DNER: variants seen among roughly 807,000 people sequenced by gnomAD.
DNER encodes delta and Notch-like epidermal growth factor-related receptor.
DNER carries 33 observed loss-of-function variants against 78.2 expected under a neutral mutation model. The ratio of observed to expected loss-of-function variants is 0.42; its 90% CI spans 0.32 to 0.56. The LOEUF is 0.56. Among genes scored for constraint, DNER ranks in the 20% least tolerant of loss-of-function variants. The pLI, the probability that DNER is intolerant of heterozygous loss-of-function variation, is 0.11. For missense variants in DNER, 918 were observed against 975.3 expected, an observed-to-expected ratio of 0.94 and a Z score of 0.78; for synonymous variants, 417 against 384.8, an observed-to-expected ratio of 1.08 and a Z score of -0.98.
At chr2:229,363,054 T>TGGGA (rs1318115743) in intron 12 of DNER, among the ~76,000 whole-genome samples, 1 of 152,168 alleles carries the variant, frequency 6.6e-6, no homozygotes, top group East Asian at 1.9e-4. Flanking sequence ...GTCAACTGAG[T>TGGGA]GGGACCTCAG....
intron 1 of DNER, among the ~76,000 whole-genome samples, chr2:229,618,320 C>A (rs1380299580): frequency 6.6e-6 from 1 of 152,224 alleles, no homozygotes; most frequent in African/African-American, 2.4e-5. Context: ...AAGGGGATGA[C>A]AACAGGCCAA....
At chr2:229,646,034 C>T (rs1161516920) in intron 1 of DNER, among the ~76,000 whole-genome samples, 1 of 152,160 alleles carries the variant, frequency 6.6e-6, no homozygotes, top group East Asian at 1.9e-4. Flanking sequence ...TGGATGAATT[C>T]CCTGACAATG....
In DNER at chr2:229,447,406, C is replaced by A. The variant is rs1279381802; in HGVS notation, c.1396G>T (p.Ala466Ser). The A allele has an allele frequency of 2.5e-6, 4 of 1,613,668 alleles. No homozygotes were observed. The highest frequency in any genetic ancestry group is 1.3e-5 in the African/African-American group (1 of 74,922). ...AGGGCACAGAAGTCAATAAGCTGGG[C>A]ACAGGTCGGCCCTGTGAAGCCCGGG... ...CSPGFTGPTCAQLIDFCALSP... is the reference protein window; with the variant it reads ...CSPGFTGPTCSQLIDFCALSP... The change falls in exon 8 of 13, where the codon GCC becomes TCC. Residue 466 changes from alanine (A) to serine (S), a missense_variant. By Grantham distance (99) the Ala-to-Ser change is moderately conservative. Transcript: ENST00000341772.
At chr2:229,651,339 T>C (rs1382730498) in intron 1 of DNER, among the ~76,000 whole-genome samples, 1 of 152,230 alleles carries the variant, frequency 6.6e-6, no homozygotes, top group African/African-American at 2.4e-5. Context: ...AGATGACTGG[T>C]GGACAGATAT....
chr2:229,527,941 TA>T (rs1206929018), intron 5 of DNER, among the ~76,000 whole-genome samples: 1 of 152,172 alleles, frequency 6.6e-6, no homozygotes, highest in Non-Finnish European at 1.5e-5. Flanking sequence ...AAGCAATGGC[TA>T]AAAAGTGAGG....
intron 1 of DNER, 43 bp downstream of exon 1, chr2:229,714,105 T>C: frequency 8.0e-7 from 1 of 1,254,820 alleles, no homozygotes; most frequent in Non-Finnish European, 1.0e-6. Flanking sequence ...AGGCTGCTGG[T>C]CCCGGACCAG....
At chr2:229,551,478 T>A (rs116606626) in intron 4 of DNER, among the ~76,000 whole-genome samples, 4,471 of 143,078 alleles carry the variant, frequency 0.031, 193 homozygotes, top group African/African-American at 0.1. Flanking sequence ...TACTAAAAAT[T>A]TAAAAATTAG....
In DNER at chr2:229,714,201, C is replaced by T. The variant is rs1451192333; in HGVS notation, c.223G>A (p.Glu75Lys). ...PDPQHPAPAGEPGYSCTCPAG... is the reference protein window; with the variant it reads ...PDPQHPAPAGKPGYSCTCPAG... ...GGGCAGGTGCAGCTGTAGCCAGGCT[C>T]GCCGGCGGGGGCCGGGTGCTGCGGG... The change falls in exon 1 of 13, where the codon GAG becomes AAG. Residue 75 changes from glutamate (E) to lysine (K), a missense_variant. Coordinates refer to ENST00000341772, the MANE Select transcript of DNER (RefSeq NM_139072.4). The T allele has an allele frequency of 7.2e-7, 1 of 1,379,952 alleles. No homozygotes were observed. The highest frequency in any genetic ancestry group is 9.3e-7 in the Non-Finnish European group (1 of 1,070,120). 85.5% of individuals were successfully genotyped at this position (1,379,952 alleles called of 1,614,324 possible).
At chr2:229,445,072 T>C (rs1393586181) in intron 8 of DNER, among the ~76,000 whole-genome samples, 3 of 152,334 alleles carry the variant, frequency 2.0e-5, no homozygotes, top group Middle Eastern at 3.4e-3. Context: ...TCACATGTGT[T>C]ACGACATCCA....
rs146345104 is a variant in DNER at position 229,450,978 on chromosome 2, C to G, written c.1262-3438G>C. ...TTGTGTTTGATTCTGTGTTCACCAC[C>G]CCAGCAGTCTGAGTGACCATGGCAA... On this transcript the variant is annotated intron_variant, in intron 7 of 12. Transcript: ENST00000341772. Among the ~76,000 whole-genome samples, 754 of 152,220 alleles carry G rather than the reference C, an allele frequency of 5.0e-3. 7 individuals carry two copies. The highest frequency in any genetic ancestry group is 0.017 in the African/African-American group (722 of 41,526).
intron 9 of DNER, among the ~76,000 whole-genome samples, chr2:229,416,142 C>T (rs1304346773): frequency 6.6e-6 from 1 of 152,188 alleles, no homozygotes; most frequent in Non-Finnish European, 1.5e-5. Flanking sequence ...GCAGATCTCT[C>T]AAATCTTTTC....
At chr2:229,361,601 C>T (rs899080798) in intron 12 of DNER, among the ~76,000 whole-genome samples, 2 of 152,140 alleles carry the variant, frequency 1.3e-5, no homozygotes, top group East Asian at 3.8e-4. Flanking sequence ...ACAAGAATCG[C>T]CCTTAGTGCT....
rs1162899815 is a variant in DNER at position 229,515,639 on chromosome 2, A to ATT, written c.994-2705_994-2704dup. On this transcript the variant is annotated intron_variant, in intron 5 of 12. Coordinates refer to ENST00000341772, the MANE Select transcript of DNER (RefSeq NM_139072.4). ...AATCAAATATCTTCAAGTTAGCTTTATTTTTTTATTTTTTTTTTTTTGAGA... is the reference window on the plus strand; with the variant it reads ...AATCAAATATCTTCAAGTTAGCTTTATTTTTTTTTATTTTTTTTTTTTTGAGA... Among the ~76,000 whole-genome samples the ATT allele has an allele frequency of 4.2e-4, 30 of 71,566 alleles. 3 individuals are homozygous for ATT. Among genetic ancestry groups the ATT allele is most frequent in the Middle Eastern group, 7.2e-3 (1 of 138 alleles). 47.0% of individuals were successfully genotyped at this position (71,566 alleles called of 152,430 possible). A position where few individuals can be genotyped will look rare whatever the true frequency, so the allele number is the denominator to read the frequency against.
intron 1 of DNER, among the ~76,000 whole-genome samples, chr2:229,615,873 C>G (rs1293416166): frequency 6.6e-6 from 1 of 152,078 alleles, no homozygotes; most frequent in Non-Finnish European, 1.5e-5. Flanking sequence ...AGCTAAGAGT[C>G]TGGGTTTCTG....
Position 229,591,750 on chromosome 2 carries a change from G to A in DNER, c.415C>T (p.Leu139Phe). ...GATTCGGTCCAGCCAGTGGCTGGGA[G>A]ACTGGGAAGTGCCTGTTCACAGTTG... ...GPNCEQALPSLPATGWTESMA... is the reference protein window; with the variant it reads ...GPNCEQALPSFPATGWTESMA... The change falls in exon 2 of 13, where the codon CTC becomes TTC. Residue 139 changes from leucine (L) to phenylalanine (F), a missense_variant. Transcript: ENST00000341772. The surrounding 1 kb of genome is among the most constrained non-coding windows in gnomAD (Gnocchi z 4.6). 2 of 1,614,194 alleles carry A rather than the reference G, an allele frequency of 1.2e-6. No individual in the cohort carries two copies. Among genetic ancestry groups the A allele is most frequent in the Non-Finnish European group, 1.7e-6 (2 of 1,180,036 alleles).
chr2:229,565,755 G>A (rs1426806906), intron 4 of DNER, among the ~76,000 whole-genome samples: 2 of 152,118 alleles, frequency 1.3e-5, no homozygotes, highest in Non-Finnish European at 2.9e-5. Context: ...GCCAGTTTCT[G>A]AATACCCATT....
intron 10 of DNER, among the ~76,000 whole-genome samples, chr2:229,405,033 T>C (rs187170887): frequency 1.8e-4 from 28 of 152,292 alleles, no homozygotes; most frequent in Admixed American, 1.8e-3. Flanking sequence ...TAAACTGTTA[T>C]ATACTTAAAA....
At chr2:229,371,210 C>T (rs1384272713) in intron 11 of DNER, among the ~76,000 whole-genome samples, 1 of 152,198 alleles carries the variant, frequency 6.6e-6, no homozygotes, top group Non-Finnish European at 1.5e-5. Context: ...ATGGATCTGG[C>T]TAAGTCCAAC....
chr2:229,495,850 C>T (rs796161503), intron 6 of DNER, among the ~76,000 whole-genome samples: 9 of 152,302 alleles, frequency 5.9e-5, no homozygotes, highest in African/African-American at 2.2e-4. Flanking sequence ...TCTGTATTTG[C>T]TGCTCACTCA....
Sources: allele counts gnomAD v4.1 joint callset (sites outside exome capture counted in the v4.1 genomes callset), GRCh38; gene constraint gnomAD v4.1.1; non-coding constraint Gnocchi (gnomAD v3.1); transcripts MANE v1.5; gene names NCBI Gene and HGNC (gene_info 2026-07-23, HGNC 2026-07-21).